The following PTPMT1 variants were observed in gnomAD, a reference collection of about 807,000 sequenced individuals.
The protein encoded by PTPMT1 is protein tyrosine phosphatase mitochondrial 1, also known as phosphatidylglycerophosphatase and protein-tyrosine phosphatase 1.
Under a neutral mutation model 17.8 loss-of-function variants are expected in PTPMT1, and 12 were observed. The ratio of observed to expected loss-of-function variants is 0.67; its 90% CI spans 0.43 to 1.09. The LOEUF is 1.09. Ranked by LOEUF, PTPMT1 falls within the 50% of genes least tolerant of loss-of-function variation. The pLI, the probability that PTPMT1 is intolerant of heterozygous loss-of-function variation, is 0.00. For synonymous variants in PTPMT1, 132 were observed against 116.8 expected (o/e 1.13, Z -0.84); for missense variants, 262 against 266.0 (o/e 0.99, Z 0.10).
chr11:47,567,559 C>CTTTTT (rs370022255), intron 2 of PTPMT1, among the ~76,000 whole-genome samples: 158 of 116,128 alleles, frequency 1.4e-3, no homozygotes, highest in Non-Finnish European at 1.7e-3. Flanking sequence ...TATTTCTTTT[C>CTTTTT]TTTTTTTTTT....
intron 2 of PTPMT1, among the ~76,000 whole-genome samples, chr11:47,567,278 C>T (rs775864178): frequency 3.6e-4 from 54 of 151,858 alleles, no homozygotes; most frequent in Non-Finnish European, 6.6e-4. Flanking sequence ...TGGTGGCAGG[C>T]GCCTGTAATC....
rs1426081892 is a variant in PTPMT1, at chr11:47,565,606, C to T, written c.-17C>T. ...GCGAGCGCGGGGGCCGACGGGTCGCCGCTGCGCCGGGCCGGGATGGCGGCC... is the reference window on the plus strand; with the variant it reads ...GCGAGCGCGGGGGCCGACGGGTCGCTGCTGCGCCGGGCCGGGATGGCGGCC... On this transcript the variant is annotated 5_prime_UTR_variant, in exon 1 of 4. Transcript: ENST00000326674. 3 of 1,290,104 alleles carry T rather than the reference C, an allele frequency of 2.3e-6. No individual in the cohort carries two copies. Among genetic ancestry groups the T allele is most frequent in the African/African-American group, 1.6e-5 (1 of 64,264 alleles). The allele number at this position is 1,290,104 out of a possible 1,614,324, so 79.9% of individuals were successfully genotyped here.
Position 47,571,573 on chromosome 11 carries a change from A to G in PTPMT1, c.550A>G (p.Lys184Glu). The stretch of plus-strand genomic sequence containing the variant: ...GCTGGATGTTCTTAAAGAGTTCCAC[A>G]AGCAGATTACTGCACGGGCAACAAA... The part of the protein sequence containing the change: ...GQLDVLKEFH[K>E]QITARATKDG... Residue 184 changes from lysine to glutamate, a missense_variant, in exon 4 of 4, where the codon AAG (lysine) becomes GAG (glutamate). By Grantham distance (56) the Lys-to-Glu change is moderately conservative. Transcript: ENST00000326674. 1 of 1,614,040 alleles carries G rather than the reference A, an allele frequency of 6.2e-7. No individual in the cohort carries two copies. Among genetic ancestry groups the G allele is most frequent in the South Asian group, 1.1e-5 (1 of 91,082 alleles).
At chr11:47,569,386 TAAAAAA>T (rs55868744) in intron 2 of PTPMT1, among the ~76,000 whole-genome samples, 3 of 112,776 alleles carry the variant, frequency 2.7e-5, no homozygotes, top group Non-Finnish European at 5.3e-5. Flanking sequence ...ACTCTGTCTT[TAAAAAA>T]AAAAAAAAAA....
Position 47,565,716 on chromosome 11 carries a change from C to G in PTPMT1, c.94C>G (p.Arg32Gly). The change falls in exon 1 of 4, where the codon CGG becomes GGG. Residue 32 changes from arginine (R) to glycine (G), a missense_variant. Transcript: ENST00000326674. ...YTLFRGKVPG[R>G]AHRDWYHRID... ...CCTGTTCCGCGGGAAGGTGCCGGGT[C>G]GGGCGCACCGGGACTGGTACCACCG... 1 of 1,577,388 alleles carries G rather than the reference C, an allele frequency of 6.3e-7. No homozygotes were observed. Among genetic ancestry groups the G allele is most frequent in the Non-Finnish European group, 8.6e-7 (1 of 1,165,234 alleles).
Position 47,571,577 on chromosome 11 carries a change from A to G in PTPMT1, c.554A>G (p.Gln185Arg). The G allele has an allele frequency of 6.2e-7, 1 of 1,614,050 alleles. No homozygotes were observed. Among genetic ancestry groups the G allele is most frequent in the Non-Finnish European group, 8.5e-7 (1 of 1,180,024 alleles). Residue 185 changes from glutamine (Q) to arginine (R), a missense_variant, in exon 4 of 4, where the codon CAG (glutamine) becomes CGG (arginine). Physicochemically the swap from Gln to Arg is conservative, Grantham distance 43. Transcript: ENST00000326674. ...QLDVLKEFHK[Q>R]ITARATKDGT... ...GATGTTCTTAAAGAGTTCCACAAGC[A>G]GATTACTGCACGGGCAACAAAGGAT...
In PTPMT1 at chr11:47,573,018, G is replaced by A. The variant is rs753402225; in HGVS notation, c.*1389G>A. On this transcript the variant is annotated 3_prime_UTR_variant, in exon 4 of 4. Transcript: ENST00000326674. The surrounding 1 kb of genome is among the most constrained non-coding windows in gnomAD (Gnocchi z 4.1). Reference sequence around the variant, plus strand: ...TGAAGTGGCAGGGTCAAGCTTGTAGGTGTTGGCATCCCCCTTTTTATATCG... The same window carrying A: ...TGAAGTGGCAGGGTCAAGCTTGTAGATGTTGGCATCCCCCTTTTTATATCG... 1.9e-6 allele frequency: 3 copies of A among 1,614,060 alleles called. No individual in the cohort carries two copies. Among genetic ancestry groups the A allele is most frequent in the South Asian group, 1.1e-5 (1 of 91,082 alleles).
chr11:47,573,229 C>A lies in PTPMT1; in HGVS notation c.*1600C>A. The A allele has an allele frequency of 2.5e-6, 4 of 1,614,146 alleles. No homozygotes were observed. Among genetic ancestry groups the A allele is most frequent in the Non-Finnish European group, 3.4e-6 (4 of 1,180,024 alleles). On this transcript the variant is annotated 3_prime_UTR_variant, in exon 4 of 4. Coordinates refer to ENST00000326674, the MANE Select transcript of PTPMT1 (RefSeq NM_175732.3). This position sits in a 1 kb window ranked among gnomAD's most constrained non-coding sequence, Gnocchi z 4.1. Reference sequence around the variant, plus strand: ...TGCACAGCTGCGTGCATGCGGCCTGCAAAGGGCAGCACATAGGGCTTCACA... The same window carrying A: ...TGCACAGCTGCGTGCATGCGGCCTGAAAAGGGCAGCACATAGGGCTTCACA...
At chr11:47,567,231 G>A (rs1020002636) in intron 2 of PTPMT1, among the ~76,000 whole-genome samples, 5 of 151,818 alleles carry the variant, frequency 3.3e-5, no homozygotes, top group East Asian at 1.9e-4. Context: ...GTGAAACCCC[G>A]TCTGTACTAA....
At position 47,571,889 on chromosome 11, in the gene PTPMT1, A is replaced by C. The variant is rs2097249971; in HGVS notation, c.*260A>C. 1.8e-5 allele frequency: 6 copies of C among 340,356 alleles called. No homozygotes were observed. Among genetic ancestry groups the C allele is most frequent in the Non-Finnish European group, 3.2e-5 (6 of 186,722 alleles). The allele number at this position is 340,356 out of a possible 1,614,324, so 21.1% of individuals were successfully genotyped here. A position where few individuals can be genotyped will look rare whatever the true frequency, so the allele number is the denominator to read the frequency against. ...CTATCATCTTTTCTTGAATAGGGCT[A>C]AAGAAGTATTTTAACAAAAATCTAT... On this transcript the variant is annotated 3_prime_UTR_variant, in exon 4 of 4. Coordinates refer to ENST00000326674, the MANE Select transcript of PTPMT1 (RefSeq NM_175732.3).
chr11:47,571,451 T>G lies in PTPMT1; in HGVS notation c.448-20T>G. The G allele has an allele frequency of 6.2e-7, 1 of 1,611,214 alleles. No individual in the cohort carries two copies. Among genetic ancestry groups the G allele is most frequent in the Non-Finnish European group, 8.5e-7 (1 of 1,178,768 alleles). ...CCTGCTTCTTTCTTTCTCTGCTGAT[T>G]TCCCAACCCTGTACTTCAGGTGCAC... On this transcript the variant is annotated intron_variant, in intron 3 of 3. Coordinates refer to ENST00000326674, the MANE Select transcript of PTPMT1 (RefSeq NM_175732.3).
In PTPMT1 at chr11:47,573,063, C is replaced by A. The variant is rs937649487; in HGVS notation, c.*1434C>A. On this transcript the variant is annotated 3_prime_UTR_variant, in exon 4 of 4. Coordinates refer to ENST00000326674, the MANE Select transcript of PTPMT1 (RefSeq NM_175732.3). The surrounding 1 kb of genome is among the most constrained non-coding windows in gnomAD (Gnocchi z 4.1). The stretch of plus-strand genomic sequence containing the variant: ...ATATCGGTCCCGGAAGACATAGATG[C>A]TCCCGTTACAGCTGGCAATCTTCCA... 6.2e-7 allele frequency: 1 copy of A among 1,614,170 alleles called. No individual in the cohort carries two copies. The highest frequency in any genetic ancestry group is 1.3e-5 in the African/African-American group (1 of 75,028).
Position 47,571,502 on chromosome 11 carries a change from G to A in PTPMT1, c.479G>A (p.Arg160Lys). The change falls in exon 4 of 4, where the codon AGA (arginine) becomes AAA (lysine). Residue 160 changes from arginine to lysine, a missense_variant. Arg to Lys is a conservative substitution (Grantham distance 26, BLOSUM62 2). Transcript: ENST00000326674. ...AAATGGAGTCCAGAGGAGGCTGTAAGAGCCATCGCCAAGATCCGGTCATAC... is the reference window on the plus strand; with the variant it reads ...AAATGGAGTCCAGAGGAGGCTGTAAAAGCCATCGCCAAGATCCGGTCATAC... Reference protein sequence around the residue: ...VHKWSPEEAVRAIAKIRSYIH... With the variant: ...VHKWSPEEAVKAIAKIRSYIH... The A allele has an allele frequency of 6.2e-7, 1 of 1,614,020 alleles. No individual in the cohort carries two copies. The highest frequency in any genetic ancestry group is 8.5e-7 in the Non-Finnish European group (1 of 1,180,016).
chr11:47,568,639 A>ATACCACTG (rs1211505072), intron 2 of PTPMT1, among the ~76,000 whole-genome samples: 3 of 152,114 alleles, frequency 2.0e-5, no homozygotes, highest in African/African-American at 7.2e-5. Flanking sequence ...CCATGATTGC[A>ATACCACTG]TACCACTGCT....
At chr11:47,567,770 A>C (rs1249697629) in intron 2 of PTPMT1, among the ~76,000 whole-genome samples, 2 of 150,800 alleles carry the variant, frequency 1.3e-5, no homozygotes, top group Non-Finnish European at 1.5e-5. Context: ...ATGCTGGCCA[A>C]AGTCGTCTCG....
In PTPMT1 at chr11:47,573,450, T is replaced by C; in HGVS notation, c.*1821T>C. 2 of 1,614,228 alleles carry C rather than the reference T, an allele frequency of 1.2e-6. No individual in the cohort carries two copies. Among genetic ancestry groups the C allele is most frequent in the Non-Finnish European group, 1.7e-6 (2 of 1,180,038 alleles). The stretch of plus-strand genomic sequence containing the variant: ...ACCTACGCGATAATAAATGACTGCG[T>C]TGGAGAGGGTATCTTGCAGTGTCTT... On this transcript the variant is annotated 3_prime_UTR_variant, in exon 4 of 4. Coordinates refer to ENST00000326674, the MANE Select transcript of PTPMT1 (RefSeq NM_175732.3). This position sits in a 1 kb window ranked among gnomAD's most constrained non-coding sequence, Gnocchi z 4.1.
At chr11:47,571,022 T>C (rs1425943776) in intron 3 of PTPMT1, among the ~76,000 whole-genome samples, 2 of 152,236 alleles carry the variant, frequency 1.3e-5, no homozygotes, top group African/African-American at 2.4e-5. Context: ...CCTTAGGACA[T>C]GTTAACCCTC....
chr11:47,566,056 G>T lies in PTPMT1; in HGVS notation c.255+70G>T, dbSNP rs1409848917. Reference sequence around the variant, plus strand: ...TCGCCCACCGCCCTGAGCCTGGGACGGCTAGAGAAGTGTGGGGGAGGTCAC... The same window carrying T: ...TCGCCCACCGCCCTGAGCCTGGGACTGCTAGAGAAGTGTGGGGGAGGTCAC... On this transcript the variant is annotated intron_variant, in intron 2 of 3. Transcript: ENST00000326674. 11 of 1,471,772 alleles carry T rather than the reference G, an allele frequency of 7.5e-6. No homozygotes were observed. In the East Asian group the frequency reaches 2.5e-4, roughly 33 times the overall value. The allele number at this position is 1,471,772 out of a possible 1,614,324, so 91.2% of individuals were successfully genotyped here.
chr11:47,572,871 C>CT lies in PTPMT1; in HGVS notation c.*1245dup. 1 of 1,553,096 alleles carries CT rather than the reference C, an allele frequency of 6.4e-7. No individual in the cohort carries two copies. Among genetic ancestry groups the CT allele is most frequent in the Non-Finnish European group, 8.7e-7 (1 of 1,147,418 alleles). ...TAACTCTGAATTGGGGCCCAGGGGA[C>CT]TTTGAGTTTGTATGGGGAGGGAAAA... On this transcript the variant is annotated 3_prime_UTR_variant, in exon 4 of 4. Coordinates refer to ENST00000326674, the MANE Select transcript of PTPMT1 (RefSeq NM_175732.3).
Sources: gnomAD v4.1 joint callset for allele counts (sites outside exome capture counted in the v4.1 genomes callset) on GRCh38, gnomAD v4.1.1 for gene constraint, Gnocchi (gnomAD v3.1) non-coding constraint, MANE v1.5 for transcripts, NCBI Gene and HGNC (gene_info 2026-07-23, HGNC 2026-07-21) for gene names.